SCML2: variants seen among roughly 807,000 people sequenced by gnomAD.
The protein encoded by SCML2 is Scm polycomb group protein like 2.
A neutral mutation model predicts 48.4 loss-of-function variants in SCML2; 6 were observed. That is an observed-to-expected ratio of 0.12 (90% CI 0.07 to 0.24). SCML2 has a LOEUF of 0.24. Ranked by LOEUF, SCML2 falls within the 10% of genes least tolerant of loss-of-function variation. SCML2 has a pLI of 1.00. For missense variants in SCML2, 377 were observed against 528.2 expected (o/e 0.71, Z 2.81); for synonymous variants, 181 against 189.5 (o/e 0.95, Z 0.37).
At chrX:18,309,488 T>C (rs892662973) in intron 6 of SCML2, among the ~76,000 whole-genome samples, 3 of 112,028 alleles carry the variant, frequency 2.7e-5, no homozygotes, top group Middle Eastern at 4.6e-3. Flanking sequence ...CGTATGTTCA[T>C]TGCAGCACTA....
chrX:18,294,980 T>G (rs183657173), intron 7 of SCML2, among the ~76,000 whole-genome samples: 328 of 110,776 alleles, frequency 3.0e-3, no homozygotes, highest in Non-Finnish European at 4.8e-3. Flanking sequence ...TGTGCACCAC[T>G]AGCAATTACC....
At chrX:18,261,552 T>C (rs1160452400) in intron 8 of SCML2, among the ~76,000 whole-genome samples, 1 of 109,904 alleles carries the variant, frequency 9.1e-6, no homozygotes, top group Non-Finnish European at 1.9e-5. Context: ...ACAAGTATTA[T>C]GTATTCATAA....
chrX:18,284,605 G>A lies in SCML2; in HGVS notation c.731-18803C>T, dbSNP rs207478145. 3.6e-5 allele frequency among the ~76,000 whole-genome samples: 4 copies of A among 112,162 alleles called. 1 individual carries two copies. In the South Asian group the frequency reaches 1.5e-3, roughly 41 times the overall value. ...TAAAAATGGACACAGAACATGAACA[G>A]ACACTTCTCAAAAGACATACATATG... On this transcript the variant is annotated intron_variant, in intron 7 of 14. Coordinates refer to ENST00000251900, the MANE Select transcript of SCML2 (RefSeq NM_006089.3).
At chrX:18,256,202 A>G (rs1420023041) in intron 11 of SCML2, among the ~76,000 whole-genome samples, 1 of 111,629 alleles carries the variant, frequency 9.0e-6, no homozygotes, top group African/African-American at 3.3e-5. Flanking sequence ...TGTAAATCCC[A>G]GCACTTTGGG....
At chrX:18,261,600 T>C (rs1022056291) in intron 8 of SCML2, among the ~76,000 whole-genome samples, 1 of 109,484 alleles carries the variant, frequency 9.1e-6, no homozygotes, top group African/African-American at 3.5e-5. Flanking sequence ...TTTTAAAAGA[T>C]TAAAGTACCT....
chrX:18,281,999 T>TA (rs1381091925), intron 7 of SCML2, among the ~76,000 whole-genome samples: 1 of 109,913 alleles, frequency 9.1e-6, no homozygotes, highest in African/African-American at 3.3e-5. Context: ...GGCGTGCACC[T>TA]GTAATCCCAG....
chrX:18,294,954 C>A (rs1343079336), intron 7 of SCML2, among the ~76,000 whole-genome samples: 3 of 111,373 alleles, frequency 2.7e-5, no homozygotes, highest in African/African-American at 9.8e-5. Flanking sequence ...ACAGCAGCTG[C>A]CACTGGGGGC....
Position 18,265,741 on chromosome X carries a change from T to C in SCML2, c.792A>G (p.Ser264=), listed in dbSNP as rs768039279. Residue 264 remains serine, a synonymous_variant, in exon 8 of 15, where the codon TCA becomes TCG. Coordinates refer to ENST00000251900, the MANE Select transcript of SCML2 (RefSeq NM_006089.3). ...GAGTAGTTTTCTGTGGAGACTGCAT[T>C]GAATGCTGGCTTGCTTCGGAAGGAG... is the stretch of plus-strand genomic sequence containing the variant. The part of the protein sequence containing the change: ...ESSPSEASQH[S]MQSPQKTTLI... The C allele has an allele frequency of 1.7e-6, 2 of 1,211,049 alleles. No individual in the cohort carries two copies. The highest frequency in any genetic ancestry group is 4.3e-5 in the Admixed American group (2 of 46,014).
At chrX:18,350,125 A>G (rs754108511) in intron 1 of SCML2, among the ~76,000 whole-genome samples, 26 of 107,862 alleles carry the variant, frequency 2.4e-4, no homozygotes, top group South Asian at 1.2e-3. Flanking sequence ...TATGAAAAAT[A>G]CAAAAATTAG....
At chrX:18,343,037 G>C (rs1386488967) in intron 1 of SCML2, among the ~76,000 whole-genome samples, 2 of 111,155 alleles carry the variant, frequency 1.8e-5, no homozygotes, top group Non-Finnish European at 3.8e-5. Flanking sequence ...ACAAACTAAT[G>C]GGTCTATAAT....
At chrX:18,352,224 T>G (rs2147578189) in intron 1 of SCML2, among the ~76,000 whole-genome samples, 1 of 112,466 alleles carries the variant, frequency 8.9e-6, no homozygotes, top group Non-Finnish European at 1.9e-5. Context: ...CAGTTAAAAC[T>G]TAATTACAGC....
At chrX:18,336,891 A>G in intron 1 of SCML2, among the ~76,000 whole-genome samples, 1 of 112,203 alleles carries the variant, frequency 8.9e-6, no homozygotes, top group East Asian at 2.8e-4. Flanking sequence ...AGGAGAAAAA[A>G]CTGAATCATA....
Position 18,345,417 on chromosome X carries a change from G to A in SCML2, c.-25+9175C>T, listed in dbSNP as rs757174939. 5.4e-5 allele frequency among the ~76,000 whole-genome samples: 6 copies of A among 110,748 alleles called. No individual in the cohort carries two copies. In the South Asian group the frequency reaches 2.3e-3, roughly 43 times the overall value. ...TAAAAACAATTTTTTTTTTGAAACA[G>A]GGTCTCTCTGTCACCCAGGCTGGAG... On this transcript the variant is annotated intron_variant, in intron 1 of 14. Transcript: ENST00000251900.
chrX:18,294,436 C>A (rs1165593627), intron 7 of SCML2, among the ~76,000 whole-genome samples: 1 of 110,929 alleles, frequency 9.0e-6, no homozygotes, highest in Non-Finnish European at 1.9e-5. Flanking sequence ...ACTCCGCCAG[C>A]CCTAGCCACA....
At chrX:18,249,947 A>G (rs1419811452) in intron 11 of SCML2, among the ~76,000 whole-genome samples, 1 of 111,235 alleles carries the variant, frequency 9.0e-6, no homozygotes, top group African/African-American at 3.3e-5. Context: ...AAGCTAACCA[A>G]GCAGACTTCA....
At chrX:18,271,274 G>A (rs888220858) in intron 7 of SCML2, among the ~76,000 whole-genome samples, 11 of 110,950 alleles carry the variant, frequency 9.9e-5, no homozygotes, top group Non-Finnish European at 3.8e-5. Context: ...AGGAAACATA[G>A]GCTCTGTGAG....
chrX:18,325,109 A>C (rs1929439117), intron 3 of SCML2, 132 bp from the exon 4 acceptor site: 1 of 392,250 alleles, frequency 2.5e-6, no homozygotes, highest in Non-Finnish European at 4.4e-6. Context: ...AACTTCCAAA[A>C]GAGTAGATTC....
At chrX:18,321,532 A>G (rs1929318110) in intron 5 of SCML2, among the ~76,000 whole-genome samples, 1 of 103,409 alleles carries the variant, frequency 9.7e-6, no homozygotes. Flanking sequence ...AAAAGGTAAG[A>G]TGGAAAGTCA....
At chrX:18,254,045 G>A (rs931634098) in intron 11 of SCML2, among the ~76,000 whole-genome samples, 9 of 111,928 alleles carry the variant, frequency 8.0e-5, no homozygotes, top group African/African-American at 2.9e-4. Context: ...CACATTAGCA[G>A]TGCTTCTAGG....
Sources: allele counts gnomAD v4.1 joint callset (sites outside exome capture counted in the v4.1 genomes callset), GRCh38; gene constraint gnomAD v4.1.1; transcripts MANE v1.5; gene names NCBI Gene and HGNC (gene_info 2026-07-23, HGNC 2026-07-21).